The following EFNA4 variants were observed in gnomAD, a reference collection of about 807,000 sequenced individuals.
The protein encoded by EFNA4 is ephrin-A4.
A neutral mutation model predicts 23.7 loss-of-function variants in EFNA4; 22 were observed. The observed-to-expected ratio is 0.93, with a 90% CI of 0.66 to 1.32. EFNA4 has a LOEUF of 1.32. EFNA4 is among the 40% of genes most tolerant of loss of function. The pLI, the probability that EFNA4 is intolerant of heterozygous loss-of-function variation, is 0.00. For missense variants in EFNA4, 252 were observed against 252.3 expected (o/e 1.00, Z 0.01); for synonymous variants, 113 against 108.3 (o/e 1.04, Z -0.27).
Position 155,063,852 on chromosome 1 carries a change from T to C in EFNA4, c.29T>C (p.Val10Ala), listed in dbSNP as rs1662888815. 2.6e-6 allele frequency: 4 copies of C among 1,549,182 alleles called. No homozygotes were observed. The highest frequency in any genetic ancestry group is 3.5e-6 in the Non-Finnish European group (4 of 1,148,230). MRLLPLLRT[V>A]LWAAFLGSPL... is the part of the protein sequence containing the mutation. The stretch of plus-strand genomic sequence containing the variant: ...CGGCTGCTGCCCCTGCTGCGGACTG[T>C]CCTCTGGGCCGCGTTCCTCGGCTCC... The change falls in exon 1 of 4, where the codon GTC becomes GCC. Residue 10 changes from valine (V) to alanine (A), a missense_variant. Coordinates refer to ENST00000368409, the MANE Select transcript of EFNA4 (RefSeq NM_005227.3). The surrounding 1 kb of genome is among the most constrained non-coding windows in gnomAD (Gnocchi z 4.1).
Position 155,069,452 on chromosome 1 carries a change from G to C in EFNA4, c.*463G>C. ...GGATCACTCACTTGTCTTCTATGAA[G>C]ACGGACTCTTCATGAGGTTGAATTT... On this transcript the variant is annotated 3_prime_UTR_variant, in exon 4 of 4. Transcript: ENST00000368409. 1 of 430,518 alleles carries C rather than the reference G, an allele frequency of 2.3e-6. No homozygotes were observed. Among genetic ancestry groups the C allele is most frequent in the Non-Finnish European group, 4.1e-6 (1 of 243,876 alleles). 26.7% of individuals were successfully genotyped at this position (430,518 alleles called of 1,614,324 possible). A position where few individuals can be genotyped will look rare whatever the true frequency, so the allele number is the denominator to read the frequency against.
chr1:155,064,932 A>AT (rs1415498020), intron 1 of EFNA4, among the ~76,000 whole-genome samples: 1 of 152,226 alleles, frequency 6.6e-6, no homozygotes, highest in South Asian at 2.1e-4. Flanking sequence ...AAGACAGGTC[A>AT]TTACAATACC....
At chr1:155,067,082 G>A in intron 2 of EFNA4, 66 bp downstream of exon 2, 2 of 1,529,498 alleles carry the variant, frequency 1.3e-6, no homozygotes, top group Non-Finnish European at 1.8e-6. Context: ...GGAAGGAGAG[G>A]CCTGGAAGGA....
In EFNA4 at chr1:155,068,836, C is replaced by T. The variant is rs1348303089; in HGVS notation, c.470-17C>T. On this transcript the variant is annotated splice_polypyrimidine_tract_variant and intron_variant, in intron 3 of 3. Coordinates refer to ENST00000368409, the MANE Select transcript of EFNA4 (RefSeq NM_005227.3). ...AAAGTGGGAGGACTGATCAGTGCTACCCCCTCCCCCTCACAGAGTCTGAGT... is the reference window on the plus strand; with the variant it reads ...AAAGTGGGAGGACTGATCAGTGCTATCCCCTCCCCCTCACAGAGTCTGAGT... 3.1e-6 allele frequency: 5 copies of T among 1,604,642 alleles called. No individual in the cohort carries two copies. Among genetic ancestry groups the T allele is most frequent in the Admixed American group, 1.7e-5 (1 of 59,162 alleles).
At chr1:155,065,124 G>T (rs1662977857) in intron 1 of EFNA4, among the ~76,000 whole-genome samples, 1 of 152,182 alleles carries the variant, frequency 6.6e-6, no homozygotes, top group Non-Finnish European at 1.5e-5. Context: ...GTCCTGTGCT[G>T]GGCACTTTTC....
chr1:155,068,194 C>T (rs1396911605), intron 3 of EFNA4, among the ~76,000 whole-genome samples: 1 of 152,096 alleles, frequency 6.6e-6, no homozygotes, highest in African/African-American at 2.4e-5. Context: ...TCAAGAGATC[C>T]TCCTGCCTCC....
In EFNA4 at chr1:155,063,782, G is replaced by T; in HGVS notation, c.-42G>T. ...CTTTCTCTCCTCGACTGTGAAGCGGGCCGGGACCTGCCAGGCCAGACCAAA... is the reference window on the plus strand; with the variant it reads ...CTTTCTCTCCTCGACTGTGAAGCGGTCCGGGACCTGCCAGGCCAGACCAAA... On this transcript the variant is annotated 5_prime_UTR_variant, in exon 1 of 4. Coordinates refer to ENST00000368409, the MANE Select transcript of EFNA4 (RefSeq NM_005227.3). The surrounding 1 kb of genome is among the most constrained non-coding windows in gnomAD (Gnocchi z 4.1). The T allele has an allele frequency of 6.8e-7, 1 of 1,475,772 alleles. No individual in the cohort carries two copies. Among genetic ancestry groups the T allele is most frequent in the Non-Finnish European group, 9.0e-7 (1 of 1,110,988 alleles). 91.4% of individuals were successfully genotyped at this position (1,475,772 alleles called of 1,614,324 possible).
At chr1:155,064,953 G>T (rs1429145769) in intron 1 of EFNA4, among the ~76,000 whole-genome samples, 1 of 152,194 alleles carries the variant, frequency 6.6e-6, no homozygotes, top group Non-Finnish European at 1.5e-5. Flanking sequence ...AATAACAAGT[G>T]ATAAGAGCTT....
At chr1:155,068,309 G>T (rs575214692) in intron 3 of EFNA4, among the ~76,000 whole-genome samples, 23 of 150,372 alleles carry the variant, frequency 1.5e-4, no homozygotes, top group African/African-American at 5.4e-4. Flanking sequence ...CTGTCGCCCA[G>T]GGCTGGAGTA....
intron 3 of EFNA4, among the ~76,000 whole-genome samples, chr1:155,067,703 GCTCCGCCTCT>G (rs1445416193): frequency 6.7e-6 from 1 of 150,170 alleles, no homozygotes; most frequent in African/African-American, 2.5e-5. Context: ...CTCACTGCAA[GCTCCGCCTCT>G]CTGGTTCACG....
intron 1 of EFNA4, among the ~76,000 whole-genome samples, chr1:155,064,242 C>T (rs1662926171): frequency 1.3e-5 from 2 of 152,256 alleles, no homozygotes; most frequent in African/African-American, 4.8e-5. Flanking sequence ...CGCTGCTCTC[C>T]TGGCGATCCC....
chr1:155,068,715 G>C, intron 3 of EFNA4, 138 bp from the exon 4 acceptor site: 1 of 940,942 alleles, frequency 1.1e-6, no homozygotes, highest in South Asian at 1.8e-5. Flanking sequence ...GAAAGGATGA[G>C]GTCATAGATC....
chr1:155,064,896 C>A (rs1013686619), intron 1 of EFNA4, among the ~76,000 whole-genome samples: 2 of 152,188 alleles, frequency 1.3e-5, no homozygotes, highest in African/African-American at 4.8e-5. Context: ...CTCTGGAGAA[C>A]AGGCGCAGGC....
At chr1:155,068,427 A>ATTTTTTTTTTTTTTT (rs71077978) in intron 3 of EFNA4, among the ~76,000 whole-genome samples, 1 of 25,378 alleles carries the variant, frequency 3.9e-5, no homozygotes, top group African/African-American at 2.0e-4. Flanking sequence ...CACCCAGCTG[A>ATTTTTTTTTTTTTTT]TTTTTTTTTT....
At chr1:155,065,795 C>G (rs1200282436) in intron 1 of EFNA4, among the ~76,000 whole-genome samples, 2 of 151,414 alleles carry the variant, frequency 1.3e-5, no homozygotes, top group Admixed American at 1.3e-4. Flanking sequence ...TGCAGTGGCG[C>G]AATCTCGGCT....
Position 155,065,031 on chromosome 1 carries a change from C to G in EFNA4, c.113+1095C>G, listed in dbSNP as rs563841176. On this transcript the variant is annotated intron_variant, in intron 1 of 3. Transcript: ENST00000368409. ...CAAAGCTTCTGAATCACTTGGAGGA[C>G]CTGTTAAAAATTCAGGTTTCTCACC... Among the ~76,000 whole-genome samples the G allele has an allele frequency of 5.3e-5, 8 of 152,256 alleles. No homozygotes were observed. In the South Asian group the frequency reaches 1.7e-3, roughly 32 times the overall value.
At chr1:155,067,327 G>A (rs773161531) in intron 2 of EFNA4, 45 bp from the exon 3 acceptor site, 63 of 1,606,536 alleles carry the variant, frequency 3.9e-5, no homozygotes, top group Admixed American at 1.7e-4. Context: ...GCATACAAAG[G>A]GGTGACTCCC....
rs757589642 is a variant in EFNA4, at chr1:155,067,400, G to C, written c.429G>C (p.Gln143His). The change falls in exon 3 of 4, where the codon CAG (glutamine) becomes CAC (histidine). Residue 143 changes from glutamine (Q) to histidine (H), a missense_variant. Transcript: ENST00000368409. ...ISVPTPESSG[Q>H]CLRLQVSVCC... ...TGCCCACTCCAGAGAGTTCTGGCCA[G>C]TGCTTGAGGCTCCAGGTGTCTGTCT... 3 of 1,614,110 alleles carry C rather than the reference G, an allele frequency of 1.9e-6. No individual in the cohort carries two copies. The highest frequency in any genetic ancestry group is 1.3e-5 in the African/African-American group (1 of 74,932).
chr1:155,063,894 C>T lies in EFNA4; in HGVS notation c.71C>T (p.Ser24Phe), dbSNP rs772406343. The T allele has an allele frequency of 1.3e-6, 2 of 1,567,748 alleles. No individual in the cohort carries two copies. The highest frequency in any genetic ancestry group is 1.7e-6 in the Non-Finnish European group (2 of 1,158,188). ...AFLGSPLRGG[S>F]SLRHVVYWNS... Reference sequence around the variant, plus strand: ...CTCGGCTCCCCTCTGCGCGGGGGCTCCAGCCTCCGCCACGTAGTCTACTGG... The same window carrying T: ...CTCGGCTCCCCTCTGCGCGGGGGCTTCAGCCTCCGCCACGTAGTCTACTGG... Residue 24 changes from serine (S) to phenylalanine (F), a missense_variant, in exon 1 of 4, where the codon TCC (serine) becomes TTC (phenylalanine). Transcript: ENST00000368409. The surrounding 1 kb of genome is among the most constrained non-coding windows in gnomAD (Gnocchi z 4.1).
Sources: allele counts gnomAD v4.1 joint callset (sites outside exome capture counted in the v4.1 genomes callset), GRCh38; gene constraint gnomAD v4.1.1; non-coding constraint Gnocchi (gnomAD v3.1); transcripts MANE v1.5; gene names NCBI Gene and HGNC (gene_info 2026-07-23, HGNC 2026-07-21).